ADGRL3: variants seen among roughly 807,000 people sequenced by gnomAD.
The protein encoded by ADGRL3 is adhesion G protein-coupled receptor L3, also known as calcium-independent alpha-latrotoxin receptor 3.
In ADGRL3, 62 loss-of-function variants were observed where a neutral mutation model predicts 153.5. That is an observed-to-expected ratio of 0.40 (90% CI 0.33 to 0.50). The LOEUF (loss-of-function observed/expected upper bound fraction) is 0.50, where lower values mean the gene tolerates loss of function less well. Among genes scored for constraint, ADGRL3 ranks in the 20% least tolerant of loss-of-function variants. The pLI is 0.47. For missense variants in ADGRL3, 1,641 were observed against 1,859.4 expected (o/e 0.88, Z 2.16); for synonymous variants, 710 against 672.5 (o/e 1.06, Z -0.86).
At chr4:61,894,547 C>T (rs1288740250) in intron 10 of ADGRL3, among the ~76,000 whole-genome samples, 1 of 152,044 alleles carries the variant, frequency 6.6e-6, no homozygotes, top group East Asian at 1.9e-4. Flanking sequence ...AATAATAGCC[C>T]CTTACTGCAG....
intron 2 of ADGRL3, among the ~76,000 whole-genome samples, chr4:61,473,618 A>G (rs934374214): frequency 6.6e-6 from 1 of 152,140 alleles, no homozygotes. Context: ...GAGGAAAAAA[A>G]CCAAAACATG....
At chr4:61,799,408 T>C (rs1207985911) in intron 8 of ADGRL3, among the ~76,000 whole-genome samples, 1 of 152,102 alleles carries the variant, frequency 6.6e-6, no homozygotes, top group Non-Finnish European at 1.5e-5. Context: ...CTGCTCCTCC[T>C]CCTCTTTCTC....
At chr4:61,761,384 G>A (rs1257362026) in intron 8 of ADGRL3, among the ~76,000 whole-genome samples, 1 of 152,202 alleles carries the variant, frequency 6.6e-6, no homozygotes, top group Non-Finnish European at 1.5e-5. Flanking sequence ...TTGGAGGTTA[G>A]AAGCAAGATG....
intron 9 of ADGRL3, among the ~76,000 whole-genome samples, chr4:61,814,921 T>A (rs1265563492): frequency 2.0e-5 from 3 of 152,148 alleles, no homozygotes; most frequent in Non-Finnish European, 4.4e-5. Context: ...GCATACATGA[T>A]CCTTTCCCTT....
intron 1 of ADGRL3, among the ~76,000 whole-genome samples, chr4:61,219,965 G>A (rs1427662321): frequency 6.6e-6 from 1 of 151,990 alleles, no homozygotes; most frequent in East Asian, 1.9e-4. Context: ...AAAATTAGGC[G>A]GGCGTGGTGG....
chr4:61,439,634 G>A (rs1415436850), intron 2 of ADGRL3, among the ~76,000 whole-genome samples: 2 of 151,884 alleles, frequency 1.3e-5, no homozygotes, highest in Non-Finnish European at 2.9e-5. Context: ...GCCCCGGTAT[G>A]TAATGTTCCC....
intron 1 of ADGRL3, among the ~76,000 whole-genome samples, chr4:61,300,437 A>G (rs933956041): frequency 9.9e-5 from 15 of 152,248 alleles, no homozygotes; most frequent in African/African-American, 3.6e-4. Context: ...CATAGCCATC[A>G]TAAATCAATA....
intron 9 of ADGRL3, among the ~76,000 whole-genome samples, chr4:61,831,378 G>A (rs1022685178): frequency 1.3e-4 from 9 of 71,082 alleles, no homozygotes; most frequent in South Asian, 4.8e-4. Flanking sequence ...GCTAAAAAAC[G>A]TCATGAAGAT....
chr4:61,647,374 T>C (rs1340664371), intron 5 of ADGRL3, among the ~76,000 whole-genome samples: 4 of 152,168 alleles, frequency 2.6e-5, no homozygotes, highest in Non-Finnish European at 5.9e-5. Flanking sequence ...AAAATTAAAA[T>C]TAATTGAGTT....
intron 1 of ADGRL3, among the ~76,000 whole-genome samples, chr4:61,280,579 C>T (rs1348242455): frequency 6.6e-6 from 1 of 151,736 alleles, no homozygotes; most frequent in Non-Finnish European, 1.5e-5. Flanking sequence ...TTTCCTTCCC[C>T]AATGATAGTT....
At chr4:61,486,120 A>T (rs2098190516) in intron 2 of ADGRL3, among the ~76,000 whole-genome samples, 4 of 151,796 alleles carry the variant, frequency 2.6e-5, no homozygotes, top group Admixed American at 2.0e-4. Flanking sequence ...ATTTTTTTGA[A>T]TTTTTAGTAG....
chr4:61,201,946 C>T (rs1205798161), intron 1 of ADGRL3, among the ~76,000 whole-genome samples, 181 bp downstream of exon 1: 1 of 152,106 alleles, frequency 6.6e-6, no homozygotes, highest in African/African-American at 2.4e-5. Context: ...GGAAGGGAAC[C>T]TCCTGGCTGG....
intron 4 of ADGRL3, among the ~76,000 whole-genome samples, chr4:61,531,251 G>A (rs943986365): frequency 6.6e-6 from 1 of 152,120 alleles, no homozygotes; most frequent in African/African-American, 2.4e-5. Flanking sequence ...TAGGCGCATT[G>A]CTACCACCTG....
chr4:61,284,013 T>C (rs2093826412), intron 1 of ADGRL3, among the ~76,000 whole-genome samples: 1 of 152,008 alleles, frequency 6.6e-6, no homozygotes, highest in African/African-American at 2.4e-5. Flanking sequence ...GTTGTAGTCC[T>C]TGTGTTTGTG....
At chr4:61,970,304 T>C (rs764060183) in intron 17 of ADGRL3, among the ~76,000 whole-genome samples, 2 of 152,160 alleles carry the variant, frequency 1.3e-5, no homozygotes, top group African/African-American at 2.4e-5. Flanking sequence ...GATAAAATTT[T>C]CTATCTGCCT....
chr4:61,993,150 T>A (rs1205797921), intron 19 of ADGRL3, among the ~76,000 whole-genome samples: 1 of 139,030 alleles, frequency 7.2e-6, no homozygotes, highest in Non-Finnish European at 1.5e-5. Flanking sequence ...TTCAGCAGCA[T>A]TCATGGGCTG....
chr4:61,741,181 T>C (rs2096576687), intron 8 of ADGRL3, among the ~76,000 whole-genome samples: 2 of 152,192 alleles, frequency 1.3e-5, no homozygotes, highest in South Asian at 4.1e-4. Flanking sequence ...GGTAGCTGAA[T>C]CTGCTTCCTG....
chr4:61,524,666 T>C (rs1029850068), intron 4 of ADGRL3, among the ~76,000 whole-genome samples: 1 of 152,044 alleles, frequency 6.6e-6, no homozygotes, highest in Non-Finnish European at 1.5e-5. Context: ...AAGTGTGATA[T>C]AAAAATGCAT....
chr4:61,623,537 T>A (rs2092659048), intron 5 of ADGRL3, among the ~76,000 whole-genome samples: 1 of 152,174 alleles, frequency 6.6e-6, no homozygotes, highest in African/African-American at 2.4e-5. Context: ...TATTTCTGTT[T>A]AGTTTTCTCC....
Sources: allele counts gnomAD v4.1 joint callset (sites outside exome capture counted in the v4.1 genomes callset), GRCh38; gene constraint gnomAD v4.1.1; transcripts MANE v1.5; gene names NCBI Gene and HGNC (gene_info 2026-07-23, HGNC 2026-07-21).